CDYL2: variants seen among roughly 807,000 people sequenced by gnomAD.
The protein encoded by CDYL2 is chromodomain Y-like protein 2.
Under a neutral mutation model 49.4 loss-of-function variants are expected in CDYL2, and 23 were observed. The observed-to-expected ratio is 0.47, with a 90% CI of 0.34 to 0.66. The LOEUF (loss-of-function observed/expected upper bound fraction) is 0.66, where lower values mean the gene tolerates loss of function less well. Among genes scored for constraint, CDYL2 ranks in the 30% least tolerant of loss-of-function variants. The pLI, the probability that CDYL2 is intolerant of heterozygous loss-of-function variation, is 0.01. For missense variants in CDYL2, 678 were observed against 656.4 expected (o/e 1.03, Z -0.36); for synonymous variants, 360 against 268.8 (o/e 1.34, Z -3.32).
intron 2 of CDYL2, among the ~76,000 whole-genome samples, chr16:80,660,342 T>C (rs961791607): frequency 4.6e-5 from 7 of 151,994 alleles, no homozygotes; most frequent in African/African-American, 1.5e-4. Context: ...GGAAGAGACA[T>C]GTTCAATGAC....
chr16:80,765,433 A>G (rs1174471071), intron 1 of CDYL2, among the ~76,000 whole-genome samples: 3 of 151,756 alleles, frequency 2.0e-5, no homozygotes, highest in Admixed American at 6.6e-5. Flanking sequence ...AATTCCTAAC[A>G]TAAAAAGCAT....
chr16:80,638,724 A>G (rs975061579), intron 2 of CDYL2, among the ~76,000 whole-genome samples: 2 of 152,238 alleles, frequency 1.3e-5, no homozygotes, highest in African/African-American at 4.8e-5. Flanking sequence ...CAATGGAGAC[A>G]GGATAGTTTT....
At chr16:80,658,234 G>T (rs1908894322) in intron 2 of CDYL2, among the ~76,000 whole-genome samples, 1 of 151,822 alleles carries the variant, frequency 6.6e-6, no homozygotes, top group Non-Finnish European at 1.5e-5. Flanking sequence ...ATATCTTTTT[G>T]TTTTAATTTT....
chr16:80,745,983 G>C (rs993843434), intron 1 of CDYL2, among the ~76,000 whole-genome samples: 2 of 152,186 alleles, frequency 1.3e-5, no homozygotes, highest in African/African-American at 4.8e-5. Context: ...CTATCAATCA[G>C]CAAGGCTGCT....
chr16:80,778,301 C>G (rs1907156188), intron 1 of CDYL2, among the ~76,000 whole-genome samples: 1 of 151,412 alleles, frequency 6.6e-6, no homozygotes, highest in Non-Finnish European at 1.5e-5. Context: ...AAAATTCTAG[C>G]TAATAAAATA....
chr16:80,617,548 A>G (rs2142371852), intron 4 of CDYL2, among the ~76,000 whole-genome samples: 1 of 152,216 alleles, frequency 6.6e-6, no homozygotes, highest in East Asian at 1.9e-4. Flanking sequence ...CTTCACTGCC[A>G]CCTTGTGTCC....
chr16:80,646,200 T>G (rs953074666), intron 2 of CDYL2, among the ~76,000 whole-genome samples: 6 of 151,962 alleles, frequency 3.9e-5, no homozygotes, highest in African/African-American at 1.2e-4. Flanking sequence ...GTGGGAATTA[T>G]GGGAATACAA....
intron 1 of CDYL2, among the ~76,000 whole-genome samples, chr16:80,765,159 A>AAT (rs969644939): frequency 3.4e-5 from 5 of 145,170 alleles, no homozygotes; most frequent in East Asian, 2.0e-4. Context: ...TATGTTATAC[A>AAT]ATATATATAA....
chr16:80,677,740 A>AAAAAAT (rs1289052111), intron 2 of CDYL2, among the ~76,000 whole-genome samples: 9 of 147,506 alleles, frequency 6.1e-5, no homozygotes, highest in African/African-American at 2.2e-4. Flanking sequence ...CTCCATCTCA[A>AAAAAAT]AAAAATAAAA....
chr16:80,652,027 G>A (rs867711207), intron 2 of CDYL2, among the ~76,000 whole-genome samples: 2 of 152,280 alleles, frequency 1.3e-5, no homozygotes, highest in Middle Eastern at 6.8e-3. Flanking sequence ...AAAGATGGCT[G>A]CATACAGAAA....
At chr16:80,710,572 C>G (rs1319031269) in intron 1 of CDYL2, among the ~76,000 whole-genome samples, 1 of 152,084 alleles carries the variant, frequency 6.6e-6, no homozygotes, top group East Asian at 1.9e-4. Flanking sequence ...TAGTAAATAA[C>G]TACAGTATAT....
chr16:80,706,304 G>C (rs946627109), intron 1 of CDYL2, among the ~76,000 whole-genome samples: 2 of 152,172 alleles, frequency 1.3e-5, no homozygotes, highest in Admixed American at 1.3e-4. Context: ...CCTCACACAA[G>C]AATGTGAGCT....
At chr16:80,762,165 A>G (rs1367927752) in intron 1 of CDYL2, among the ~76,000 whole-genome samples, 2 of 152,156 alleles carry the variant, frequency 1.3e-5, no homozygotes, top group Non-Finnish European at 2.9e-5. Flanking sequence ...CAGCCTGGAC[A>G]AGAGTGAGAC....
chr16:80,736,543 G>C (rs1210093045), intron 1 of CDYL2: 3 of 152,222 alleles, frequency 2.0e-5, no homozygotes, highest in Admixed American at 1.3e-4. Context: ...TACAATGTTT[G>C]AAGGAGGAGA....
intron 2 of CDYL2, among the ~76,000 whole-genome samples, chr16:80,663,337 T>G (rs1909127243): frequency 6.6e-6 from 1 of 151,648 alleles, no homozygotes; most frequent in African/African-American, 2.4e-5. Context: ...TACAGTTGAG[T>G]GGAACCAAAA....
chr16:80,606,794 G>C (rs1455729803), intron 6 of CDYL2, among the ~76,000 whole-genome samples: 2 of 152,184 alleles, frequency 1.3e-5, no homozygotes, highest in African/African-American at 4.8e-5. Flanking sequence ...TGGTAGTGAA[G>C]AAGTCTCAAG....
Position 80,742,901 on chromosome 16 carries a change from G to C in CDYL2, c.25-57772C>G, listed in dbSNP as rs116269554. On this transcript the variant is annotated intron_variant, in intron 1 of 6. Coordinates refer to ENST00000570137, the MANE Select transcript of CDYL2 (RefSeq NM_152342.4). ...GATGGGTGAAGGATGGAAAAAGAAT[G>C]GATGGATGGATGGATGGATGGATGA... Among the ~76,000 whole-genome samples the C allele has an allele frequency of 4.9e-3, 739 of 150,688 alleles. 8 individuals are homozygous for C. Among genetic ancestry groups the C allele is most frequent in the African/African-American group, 0.018 (708 of 40,454 alleles).
rs889590448 is a variant in CDYL2, at chr16:80,612,904, C to T, written c.1008-68G>A. 1.1e-5 allele frequency: 15 copies of T among 1,424,990 alleles called. No individual in the cohort carries two copies. The highest frequency in any genetic ancestry group is 2.3e-5 in the Admixed American group (1 of 43,830). 88.3% of individuals were successfully genotyped at this position (1,424,990 alleles called of 1,614,324 possible). A position where few individuals can be genotyped will look rare whatever the true frequency, so the allele number is the denominator to read the frequency against. ...TGCTAAGCCCCACTGGAACCCTTGA[C>T]TCTCCCAGGTGCTGTGAGGAGCACC... On this transcript the variant is annotated intron_variant, in intron 4 of 6. Transcript: ENST00000570137. This position sits in a 1 kb window ranked among gnomAD's most constrained non-coding sequence, Gnocchi z 5.0.
Position 80,603,671 on chromosome 16 carries a change from A to C in CDYL2, c.*717T>G, listed in dbSNP as rs1906195981. ...ACAATATATAAACAAAAATAAATAA[A>C]TAAAACAAGTCCAAGGAAAGAAAAA... is the stretch of plus-strand genomic sequence containing the variant. On this transcript the variant is annotated 3_prime_UTR_variant, in exon 7 of 7. Transcript: ENST00000570137. 6.6e-6 allele frequency: 1 copy of C among 152,666 alleles called. No individual in the cohort carries two copies. Among genetic ancestry groups the C allele is most frequent in the Non-Finnish European group, 1.5e-5 (1 of 68,048 alleles). 9.5% of individuals were successfully genotyped at this position (152,666 alleles called of 1,614,324 possible). A position where few individuals can be genotyped will look rare whatever the true frequency, so the allele number is the denominator to read the frequency against.
Sources: gnomAD v4.1 joint callset for allele counts (sites outside exome capture counted in the v4.1 genomes callset) on GRCh38, gnomAD v4.1.1 for gene constraint, Gnocchi (gnomAD v3.1) non-coding constraint, MANE v1.5 for transcripts, NCBI Gene and HGNC (gene_info 2026-07-23, HGNC 2026-07-21) for gene names.